The following FMNL2 variants were observed in gnomAD, a reference collection of about 807,000 sequenced individuals.
FMNL2 encodes the protein formin-like protein 2.
A neutral mutation model predicts 130.2 loss-of-function variants in FMNL2; 51 were observed. The ratio of observed to expected loss-of-function variants is 0.39; its 90% CI spans 0.31 to 0.49. FMNL2 has a LOEUF of 0.49. Among genes scored for constraint, FMNL2 ranks in the 20% least tolerant of loss-of-function variants. FMNL2 has a pLI of 0.85. For synonymous variants in FMNL2, 465 were observed against 467.1 expected, an observed-to-expected ratio of 1.00 and a Z score of 0.06; for missense variants, 977 against 1,316.2, an observed-to-expected ratio of 0.74 and a Z score of 3.99.
At chr2:152,556,062 AC>A (rs1026703208) in intron 4 of FMNL2, among the ~76,000 whole-genome samples, 58 of 152,268 alleles carry the variant, frequency 3.8e-4, no homozygotes, top group African/African-American at 1.4e-3. Context: ...GTAGAAGTTC[AC>A]TTTCAACTCC....
chr2:152,551,906 C>G (rs1215536677), intron 4 of FMNL2, among the ~76,000 whole-genome samples: 2 of 152,132 alleles, frequency 1.3e-5, no homozygotes, highest in African/African-American at 2.4e-5. Flanking sequence ...ATGCCTGGGA[C>G]ACTGAGGCAG....
At chr2:152,356,634 GC>G in intron 1 of FMNL2, among the ~76,000 whole-genome samples, 1 of 152,234 alleles carries the variant, frequency 6.6e-6, no homozygotes, top group East Asian at 1.9e-4. Flanking sequence ...CAGATTCTCA[GC>G]TGAGGTTGAA....
chr2:152,426,642 A>G (rs1001198443), intron 1 of FMNL2, among the ~76,000 whole-genome samples: 1 of 151,970 alleles, frequency 6.6e-6, no homozygotes, highest in South Asian at 2.1e-4. Flanking sequence ...TGTTTTTTCA[A>G]AGCTCCCCAG....
intron 1 of FMNL2, among the ~76,000 whole-genome samples, chr2:152,362,841 A>G (rs1683257269): frequency 6.6e-6 from 1 of 152,216 alleles, no homozygotes; most frequent in African/African-American, 2.4e-5. Context: ...ATACAATGGG[A>G]TATTATTTGG....
chr2:152,526,921 C>T (rs964897495), intron 2 of FMNL2, among the ~76,000 whole-genome samples: 3 of 151,748 alleles, frequency 2.0e-5, no homozygotes, highest in Non-Finnish European at 4.4e-5. Context: ...CTTAATATCT[C>T]CTGTTGTCCA....
intron 23 of FMNL2, 119 bp from the exon 24 acceptor site, chr2:152,639,839 C>CGGT: frequency 1.5e-6 from 1 of 667,392 alleles, no homozygotes. Context: ...TAGATCTTCT[C>CGGT]AACCTTCCAT....
intron 2 of FMNL2, among the ~76,000 whole-genome samples, chr2:152,535,541 GC>G (rs1249136638): frequency 6.6e-6 from 1 of 152,102 alleles, no homozygotes; most frequent in Non-Finnish European, 1.5e-5. Flanking sequence ...TTCTTTTTGT[GC>G]TTTTTACAGT....
At chr2:152,639,837 C>T in intron 23 of FMNL2, 121 bp from the exon 24 acceptor site, 2 of 639,712 alleles carry the variant, frequency 3.1e-6, no homozygotes, top group Non-Finnish European at 4.6e-6. Context: ...TGTAGATCTT[C>T]TCAACCTTCC....
At chr2:152,451,010 G>A (rs1416042502) in intron 1 of FMNL2, among the ~76,000 whole-genome samples, 1 of 152,182 alleles carries the variant, frequency 6.6e-6, no homozygotes, top group African/African-American at 2.4e-5. Context: ...TGCCTTCTAC[G>A]CTTGGAGTAA....
chr2:152,520,564 C>T (rs1018725107), intron 1 of FMNL2, among the ~76,000 whole-genome samples: 9 of 147,682 alleles, frequency 6.1e-5, no homozygotes, highest in Non-Finnish European at 1.3e-4. Flanking sequence ...TATTGTACTA[C>T]AGCCTGGGCA....
rs1356385634 is a variant in FMNL2 at position 152,335,497 on chromosome 2, C to T, written c.-107C>T. The T allele has an allele frequency of 2.8e-6, 2 of 720,050 alleles. No individual in the cohort carries two copies. The highest frequency in any genetic ancestry group is 2.8e-5 in the South Asian group (1 of 35,612). The allele number at this position is 720,050 out of a possible 1,614,324, so 44.6% of individuals were successfully genotyped here. A position where few individuals can be genotyped will look rare whatever the true frequency, so the allele number is the denominator to read the frequency against. On this transcript the variant is annotated 5_prime_UTR_variant, in exon 1 of 26. Coordinates refer to ENST00000288670, the MANE Select transcript of FMNL2 (RefSeq NM_052905.4). ...CTGGGCGCGGCGGAGGGCGGGGAGC[C>T]GGGCAGGTCGCGCCTGCGGGCGGCA...
rs1461000753 is a variant in FMNL2, at chr2:152,649,592, T to C, written c.*1687T>C. 1.3e-5 allele frequency: 2 copies of C among 152,640 alleles called. No individual in the cohort carries two copies. Among genetic ancestry groups the C allele is most frequent in the African/African-American group, 4.8e-5 (2 of 41,466 alleles). 9.5% of individuals were successfully genotyped at this position (152,640 alleles called of 1,614,324 possible). A position where few individuals can be genotyped will look rare whatever the true frequency, so the allele number is the denominator to read the frequency against. On this transcript the variant is annotated 3_prime_UTR_variant, in exon 26 of 26. Transcript: ENST00000288670. The stretch of plus-strand genomic sequence containing the variant: ...GATTAAAAATAGCAATTTGACCAAG[T>C]TGGACTTCCACTACAAAGCAGCTGT...
chr2:152,377,734 G>A (rs142775971), intron 1 of FMNL2, among the ~76,000 whole-genome samples: 246 of 152,322 alleles, frequency 1.6e-3, no homozygotes, highest in African/African-American at 5.7e-3. Context: ...TCTGTGGCTA[G>A]AACTCTGGCA....
At chr2:152,489,921 T>C (rs1404440489) in intron 1 of FMNL2, among the ~76,000 whole-genome samples, 3 of 152,214 alleles carry the variant, frequency 2.0e-5, no homozygotes, top group Admixed American at 6.5e-5. Context: ...TATTAACTGA[T>C]CTGAAACTGT....
intron 2 of FMNL2, among the ~76,000 whole-genome samples, chr2:152,541,288 C>T (rs1694299044): frequency 6.6e-6 from 1 of 152,138 alleles, no homozygotes; most frequent in African/African-American, 2.4e-5. Flanking sequence ...TCCTGGATAG[C>T]TGGGACTACA....
chr2:152,504,409 G>C (rs1432801694), intron 1 of FMNL2, among the ~76,000 whole-genome samples: 1 of 151,990 alleles, frequency 6.6e-6, no homozygotes, highest in African/African-American at 2.4e-5. Flanking sequence ...ACCACGACCG[G>C]CTAATTTTTT....
In FMNL2 at chr2:152,375,900, T is replaced by A. The variant is rs558190936; in HGVS notation, c.117+40180T>A. The stretch of plus-strand genomic sequence containing the variant: ...CTCTATATATATATATATATATAAT[T>A]ATTATTATTTTTTGAGACAGTCTTG... On this transcript the variant is annotated intron_variant, in intron 1 of 25. Transcript: ENST00000288670. Among the ~76,000 whole-genome samples the A allele has an allele frequency of 9.3e-3, 1,321 of 141,408 alleles. 32 individuals carry two copies. The highest frequency in any genetic ancestry group is 0.032 in the African/African-American group (1,237 of 38,108). 92.8% of individuals were successfully genotyped at this position (141,408 alleles called of 152,430 possible).
In FMNL2 at chr2:152,619,499, T is replaced by C. The variant is rs1002595538; in HGVS notation, c.1628-10T>C. 8 of 1,549,860 alleles carry C rather than the reference T, an allele frequency of 5.2e-6. No individual in the cohort carries two copies. The highest frequency in any genetic ancestry group is 2.7e-5 in the African/African-American group (2 of 72,960). ...TTTCAAAGTCCATCTGTTTCTTTTT[T>C]CTTTGCTAGTGCAAAATGGTCCAGT... On this transcript the variant is annotated splice_polypyrimidine_tract_variant and intron_variant, in intron 14 of 25. Transcript: ENST00000288670.
At chr2:152,369,368 C>T (rs939437049) in intron 1 of FMNL2, among the ~76,000 whole-genome samples, 1 of 152,256 alleles carries the variant, frequency 6.6e-6, no homozygotes, top group African/African-American at 2.4e-5. Flanking sequence ...AGATTAGTCA[C>T]ATGGCTGATT....
Sources: allele counts gnomAD v4.1 joint callset (sites outside exome capture counted in the v4.1 genomes callset), GRCh38; gene constraint gnomAD v4.1.1; transcripts MANE v1.5; gene names NCBI Gene and HGNC (gene_info 2026-07-23, HGNC 2026-07-21).